Variants in COL26A1 observed in about 807,000 individuals in gnomAD.
COL26A1 encodes collagen type XXVI alpha 1 chain.
A neutral mutation model predicts 59.3 loss-of-function variants in COL26A1; 41 were observed. The observed-to-expected ratio is 0.69, with a 90% CI of 0.54 to 0.90. The LOEUF (loss-of-function observed/expected upper bound fraction) is 0.90. Among genes scored for constraint, COL26A1 ranks in the 40% least tolerant of loss-of-function variants. The pLI is 0.00. For missense variants in COL26A1, 612 were observed against 602.3 expected, an observed-to-expected ratio of 1.02 and a Z score of -0.17; for synonymous variants, 266 against 256.0, an observed-to-expected ratio of 1.04 and a Z score of -0.37.
intron 3 of COL26A1, among the ~76,000 whole-genome samples, chr7:101,507,128 T>C (rs1794827669): frequency 6.6e-6 from 1 of 152,170 alleles, no homozygotes. Flanking sequence ...TTGGCCAGGC[T>C]GGTCTCAAAC....
At chr7:101,492,021 G>A (rs888508810) in intron 3 of COL26A1, among the ~76,000 whole-genome samples, 4 of 152,094 alleles carry the variant, frequency 2.6e-5, no homozygotes, top group African/African-American at 9.7e-5. Flanking sequence ...GACAGGCTGG[G>A]GTCCTCTGGG....
In COL26A1 at chr7:101,379,802, C is replaced by T. The variant is rs570987702; in HGVS notation, c.158+16612C>T. On this transcript the variant is annotated intron_variant, in intron 1 of 12. Coordinates refer to ENST00000313669, the MANE Select transcript of COL26A1 (RefSeq NM_001278563.3). ...GTCCTCACTGTTACACTCCCACCAG[C>T]GCCATAACAGTTTGCAAATGCCTTG... Among the ~76,000 whole-genome samples the T allele has an allele frequency of 8.9e-4, 136 of 152,290 alleles. 2 individuals carry two copies. The highest frequency in any genetic ancestry group is 3.1e-3 in the African/African-American group (129 of 41,564).
At chr7:101,363,389 G>A (rs1291945729) in intron 1 of COL26A1, among the ~76,000 whole-genome samples, 199 bp downstream of exon 1, 1 of 146,276 alleles carries the variant, frequency 6.8e-6, no homozygotes, top group African/African-American at 2.5e-5. Flanking sequence ...GGGGTGCGGG[G>A]CGATTCGGGC....
At chr7:101,489,649 CTTTCTTT>C (rs1794348204) in intron 3 of COL26A1, among the ~76,000 whole-genome samples, 9 of 74,570 alleles carry the variant, frequency 1.2e-4, no homozygotes, top group East Asian at 2.4e-4. Flanking sequence ...TTCTTTCTTT[CTTTCTTT>C]CTTTCTTCCT....
intron 3 of COL26A1, among the ~76,000 whole-genome samples, chr7:101,492,569 C>T (rs988242461): frequency 2.6e-5 from 4 of 151,088 alleles, no homozygotes; most frequent in East Asian, 2.0e-4. Context: ...TGGTGGTGGG[C>T]GCCTGTAATC....
intron 3 of COL26A1, among the ~76,000 whole-genome samples, chr7:101,458,374 G>C (rs899193657): frequency 6.6e-6 from 1 of 152,044 alleles, no homozygotes. Flanking sequence ...AGTGGCTCAC[G>C]CCTGTAATTC....
intron 3 of COL26A1, among the ~76,000 whole-genome samples, chr7:101,524,831 G>C (rs1031425492): frequency 1.4e-4 from 22 of 152,234 alleles, no homozygotes; most frequent in African/African-American, 4.6e-4. Context: ...TTTTTCATTA[G>C]ATCTTGCTGG....
intron 3 of COL26A1, among the ~76,000 whole-genome samples, chr7:101,461,477 T>C (rs1318764785): frequency 6.6e-6 from 1 of 152,072 alleles, no homozygotes; most frequent in Non-Finnish European, 1.5e-5. Context: ...TTTGTATTTT[T>C]AGTAGAGATG....
intron 3 of COL26A1, among the ~76,000 whole-genome samples, chr7:101,531,095 C>T (rs954222761): frequency 2.6e-5 from 4 of 152,056 alleles, no homozygotes; most frequent in South Asian, 2.1e-4. Flanking sequence ...CTCAGCCTCC[C>T]GAGTAGCTGA....
chr7:101,387,771 TATATA>T (rs1412304068), intron 1 of COL26A1, among the ~76,000 whole-genome samples: 24 of 52,154 alleles, frequency 4.6e-4, no homozygotes, highest in Admixed American at 1.2e-3. Flanking sequence ...TATATATATA[TATATA>T]TATTTTTTTT....
chr7:101,461,154 T>C (rs1368070356), intron 3 of COL26A1, among the ~76,000 whole-genome samples: 1 of 152,052 alleles, frequency 6.6e-6, no homozygotes, highest in African/African-American at 2.4e-5. Context: ...TTTTTTGTTT[T>C]GTTTTGTTTT....
chr7:101,378,885 T>C (rs1791382503), intron 1 of COL26A1, among the ~76,000 whole-genome samples: 1 of 151,558 alleles, frequency 6.6e-6, no homozygotes, highest in African/African-American at 2.4e-5. Flanking sequence ...CCCCGGGGAG[T>C]TGTCCCTGGA....
At chr7:101,392,890 G>C (rs1158721566) in intron 1 of COL26A1, among the ~76,000 whole-genome samples, 1 of 151,330 alleles carries the variant, frequency 6.6e-6, no homozygotes, top group Non-Finnish European at 1.5e-5. Flanking sequence ...CTCAAAGATA[G>C]GTAAGTCCTA....
At chr7:101,520,331 G>T (rs1278525349) in intron 3 of COL26A1, among the ~76,000 whole-genome samples, 1 of 152,144 alleles carries the variant, frequency 6.6e-6, no homozygotes, top group Non-Finnish European at 1.5e-5. Context: ...GGTCCTTGGG[G>T]ACCCTCCCAG....
intron 7 of COL26A1, among the ~76,000 whole-genome samples, chr7:101,545,808 G>A (rs1049065920): frequency 1.1e-4 from 16 of 152,196 alleles, no homozygotes; most frequent in African/African-American, 3.9e-4. Flanking sequence ...TCAGCTCCCT[G>A]CCTTTGGGGT....
chr7:101,525,913 C>T (rs1286489056), intron 3 of COL26A1, among the ~76,000 whole-genome samples: 1 of 152,218 alleles, frequency 6.6e-6, no homozygotes, highest in Non-Finnish European at 1.5e-5. Flanking sequence ...TGCTGGCTCA[C>T]CTCTCAATGG....
chr7:101,533,397 G>A (rs1039335335), intron 4 of COL26A1, among the ~76,000 whole-genome samples: 3 of 152,058 alleles, frequency 2.0e-5, no homozygotes, highest in Admixed American at 1.3e-4. Flanking sequence ...CCCAGGACCC[G>A]GGGGCTGGGA....
chr7:101,456,169 T>TATATA (rs1554414262), intron 3 of COL26A1, among the ~76,000 whole-genome samples: 3,242 of 94,078 alleles, frequency 0.034, 61 homozygotes, highest in African/African-American at 0.097. Flanking sequence ...TATATATATA[T>TATATA]TTTTTTTTTA....
chr7:101,392,938 A>G (rs1473744592), intron 1 of COL26A1, among the ~76,000 whole-genome samples: 2 of 152,166 alleles, frequency 1.3e-5, no homozygotes, highest in African/African-American at 2.4e-5. Flanking sequence ...TTACATGGTA[A>G]AAGGGACTGT....
Sources: gnomAD v4.1 joint callset for allele counts (sites outside exome capture counted in the v4.1 genomes callset) on GRCh38, gnomAD v4.1.1 for gene constraint, MANE v1.5 for transcripts, NCBI Gene and HGNC (gene_info 2026-07-23, HGNC 2026-07-21) for gene names.